Variants in ADAMTS19 observed in about 807,000 individuals in gnomAD.
ADAMTS19 encodes the protein ADAM metallopeptidase with thrombospondin type 1 motif 19.
A neutral mutation model predicts 153.3 loss-of-function variants in ADAMTS19; 93 were observed. That is an observed-to-expected ratio of 0.61 (90% confidence interval 0.51 to 0.72). The LOEUF (loss-of-function observed/expected upper bound fraction) is 0.72. Ranked by LOEUF, ADAMTS19 falls within the 30% of genes least tolerant of loss-of-function variation. ADAMTS19 has a pLI of 0.00. For missense variants in ADAMTS19, 1,482 were observed against 1,552.1 expected, an observed-to-expected ratio of 0.95 and a Z score of 0.76; for synonymous variants, 600 against 556.6, an observed-to-expected ratio of 1.08 and a Z score of -1.10.
At chr5:129,678,255 G>A (rs1056675569) in intron 16 of ADAMTS19, among the ~76,000 whole-genome samples, 3 of 152,118 alleles carry the variant, frequency 2.0e-5, no homozygotes. Context: ...GTCAAGCTGC[G>A]ATGAGCTTTA....
intron 2 of ADAMTS19, among the ~76,000 whole-genome samples, chr5:129,480,841 A>C (rs1219837860): frequency 3.3e-5 from 5 of 152,174 alleles, no homozygotes; most frequent in Admixed American, 3.3e-4. Context: ...CTAAACACCA[A>C]AAATTACATA....
intron 21 of ADAMTS19, among the ~76,000 whole-genome samples, chr5:129,725,384 G>A (rs1407936789): frequency 2.6e-5 from 4 of 152,020 alleles, no homozygotes. Flanking sequence ...CACTTGGGAG[G>A]GGAGCATGCG....
rs1446692574 is a variant in ADAMTS19 at position 129,475,808 on chromosome 5, G to A, written c.747+14051G>A. Among the ~76,000 whole-genome samples the A allele has an allele frequency of 2.0e-5, 3 of 152,210 alleles. No homozygotes were observed. In the East Asian group the frequency reaches 5.8e-4, roughly 29 times the overall value. On this transcript the variant is annotated intron_variant, in intron 2 of 22. Transcript: ENST00000274487. ...AGATTGTACCACTGCACTTCAGCCT[G>A]GGAGACAGAGGAGACTCCATCTCAA...
chr5:129,512,533 A>G (rs1212766615), intron 3 of ADAMTS19, among the ~76,000 whole-genome samples: 2 of 152,226 alleles, frequency 1.3e-5, no homozygotes, highest in East Asian at 3.9e-4. Context: ...GATTACTTCA[A>G]TATGCATGAT....
intron 19 of ADAMTS19, among the ~76,000 whole-genome samples, chr5:129,696,527 C>T (rs909529740): frequency 1.3e-5 from 2 of 152,152 alleles, no homozygotes; most frequent in African/African-American, 4.8e-5. Context: ...CACAGGTCTC[C>T]AATCAATTTA....
chr5:129,722,957 T>C (rs1397692778), intron 21 of ADAMTS19, among the ~76,000 whole-genome samples: 2 of 152,208 alleles, frequency 1.3e-5, no homozygotes, highest in South Asian at 4.1e-4. Context: ...TAAGAATTTG[T>C]TAAGATTTTT....
chr5:129,626,457 T>C (rs561453185), intron 10 of ADAMTS19, among the ~76,000 whole-genome samples: 1 of 152,138 alleles, frequency 6.6e-6, no homozygotes, highest in Admixed American at 6.6e-5. Context: ...TTTAGGTTTT[T>C]TAAATCTGTT....
intron 10 of ADAMTS19, among the ~76,000 whole-genome samples, chr5:129,622,942 C>T (rs1431384804): frequency 6.6e-6 from 1 of 151,460 alleles, no homozygotes; most frequent in Non-Finnish European, 1.5e-5. Context: ...GGTTGGATCC[C>T]TGGATGTGGA....
intron 7 of ADAMTS19, among the ~76,000 whole-genome samples, chr5:129,575,913 T>C (rs1034436202): frequency 6.6e-6 from 1 of 152,192 alleles, no homozygotes; most frequent in African/African-American, 2.4e-5. Flanking sequence ...ACCCTTATAT[T>C]TTCTGAAGAG....
At chr5:129,487,244 C>T (rs550531495) in intron 2 of ADAMTS19, among the ~76,000 whole-genome samples, 68 of 151,962 alleles carry the variant, frequency 4.5e-4, no homozygotes, top group African/African-American at 1.6e-3. Context: ...TGGGCACTGC[C>T]AAGATATGGA....
intron 3 of ADAMTS19, among the ~76,000 whole-genome samples, chr5:129,518,385 G>A (rs1017193363): frequency 6.6e-6 from 1 of 152,040 alleles, no homozygotes; most frequent in Admixed American, 6.6e-5. Context: ...GGACAGGTCT[G>A]GTATTGCTGA....
At chr5:129,520,837 G>T (rs931613552) in intron 3 of ADAMTS19, among the ~76,000 whole-genome samples, 1 of 151,940 alleles carries the variant, frequency 6.6e-6, no homozygotes, top group Admixed American at 6.6e-5. Flanking sequence ...GAAGCTCATC[G>T]CTCAGGACCC....
Position 129,526,316 on chromosome 5 carries a change from G to A in ADAMTS19, c.946G>A (p.Glu316Lys). The A allele has an allele frequency of 6.3e-7, 1 of 1,592,688 alleles. No homozygotes were observed. The highest frequency in any genetic ancestry group is 8.5e-7 in the Non-Finnish European group (1 of 1,172,052). Residue 316 changes from glutamate to lysine, a missense_variant, in exon 4 of 23, where the codon GAA becomes AAA. This residue lies in a region of ADAMTS19 where 866 missense variants were observed against 827.7 expected (regional missense o/e 1.05). Coordinates refer to ENST00000274487, the MANE Select transcript of ADAMTS19 (RefSeq NM_133638.6). Reference protein sequence around the residue: ...KGRPRSRKIAESGRGKRYSYK... With the variant: ...KGRPRSRKIAKSGRGKRYSYK... The stretch of plus-strand genomic sequence containing the variant: ...AAGACCTAGGTCTAGAAAAATAGCA[G>A]AAAGTGGAAGAGGGAAACGATATTC...
chr5:129,631,160 GTT>G (rs35770896), intron 10 of ADAMTS19, among the ~76,000 whole-genome samples: 19,376 of 127,300 alleles, frequency 0.15, 1,235 homozygotes, highest in East Asian at 0.3. Flanking sequence ...AAAATTTTAG[GTT>G]TTTTTTTTTT....
intron 10 of ADAMTS19, among the ~76,000 whole-genome samples, chr5:129,627,615 G>T (rs1003186357): frequency 6.6e-6 from 1 of 151,014 alleles, no homozygotes. Context: ...AGGAAAAACC[G>T]ACCCCATTAA....
chr5:129,568,364 G>A (rs1414482471), intron 7 of ADAMTS19, among the ~76,000 whole-genome samples: 2 of 11,524 alleles, frequency 1.7e-4, no homozygotes, highest in Admixed American at 2.1e-3. Flanking sequence ...GTAATACATG[G>A]GGGGGGATAA....
chr5:129,528,913 T>C (rs1386882386), intron 6 of ADAMTS19, among the ~76,000 whole-genome samples: 1 of 152,132 alleles, frequency 6.6e-6, no homozygotes, highest in Non-Finnish European at 1.5e-5. Context: ...TTACCCAAAA[T>C]TTTTGACCTC....
chr5:129,549,952 A>G (rs1390197812), intron 6 of ADAMTS19, among the ~76,000 whole-genome samples: 1 of 132,294 alleles, frequency 7.6e-6, no homozygotes, highest in Non-Finnish European at 1.6e-5. Context: ...ATGTATCTGT[A>G]TATGTATGTA....
chr5:129,635,303 T>A (rs2127008632), intron 10 of ADAMTS19, among the ~76,000 whole-genome samples: 1 of 152,310 alleles, frequency 6.6e-6, no homozygotes. Context: ...TATATACTGT[T>A]GATGGGAGTG....
Sources: allele counts gnomAD v4.1 joint callset (sites outside exome capture counted in the v4.1 genomes callset), GRCh38; gene constraint gnomAD v4.1.1; regional missense constraint gnomAD v4.1.1; transcripts MANE v1.5; gene names NCBI Gene and HGNC (gene_info 2026-07-23, HGNC 2026-07-21).